ZNF254: variants seen among roughly 807,000 people sequenced by gnomAD.
ZNF254 encodes CTD-2017D11.1.
Under a neutral mutation model 12.4 loss-of-function variants are expected in ZNF254, and 10 were observed. The ratio of observed to expected loss-of-function variants is 0.80; its 90% CI spans 0.50 to 1.36. ZNF254 has a LOEUF of 1.36. Among genes scored for constraint, ZNF254 ranks in the 40% most tolerant of loss-of-function variants. ZNF254 has a pLI of 0.00. For missense variants in ZNF254, 996 were observed against 763.9 expected (o/e 1.30, Z -3.58); for synonymous variants, 305 against 253.4 (o/e 1.20, Z -1.93).
intron 1 of ZNF254, among the ~76,000 whole-genome samples, chr19:24,093,669 T>C (rs1056406581): frequency 2.0e-5 from 3 of 152,212 alleles, no homozygotes; most frequent in Non-Finnish European, 4.4e-5. Context: ...ACCAGTTCCA[T>C]GTTGCTTTGT....
At chr19:24,040,227 G>T (rs370210456) in intron 1 of ZNF254, among the ~76,000 whole-genome samples, 1 of 152,126 alleles carries the variant, frequency 6.6e-6, no homozygotes, top group East Asian at 1.9e-4. Context: ...CTCCTGTTTG[G>T]AACAACTATT....
At chr19:24,041,299 C>T (rs1380191037) in intron 1 of ZNF254, among the ~76,000 whole-genome samples, 10 of 152,228 alleles carry the variant, frequency 6.6e-5, no homozygotes, top group Admixed American at 5.9e-4. Context: ...CCTCAGCTTG[C>T]AGGGAGGTGT....
chr19:24,122,677 T>A (rs924775221), intron 3 of ZNF254, among the ~76,000 whole-genome samples: 4 of 152,208 alleles, frequency 2.6e-5, no homozygotes, highest in African/African-American at 9.6e-5. Context: ...TTATAGTTCG[T>A]ACAATATTTC....
Position 24,126,808 on chromosome 19 carries a change from G to C in ZNF254, c.808G>C (p.Glu270Gln), listed in dbSNP as rs752943894. The change falls in exon 4 of 4, where the codon GAA (glutamate) becomes CAA (glutamine). Residue 270 changes from glutamate to glutamine, a missense_variant. Transcript: ENST00000357002. The stretch of plus-strand genomic sequence containing the variant: ...TGGAGAGAAACTCTACAAATGTGAA[G>C]AATGTGGTGAAGCTTTTAATCGATC... ...HAGEKLYKCE[E>Q]CGEAFNRSSN... is the part of the protein sequence containing the mutation. 6.2e-7 allele frequency: 1 copy of C among 1,613,232 alleles called. No individual in the cohort carries two copies. The highest frequency in any genetic ancestry group is 1.1e-5 in the South Asian group (1 of 91,020).
At position 24,126,999 on chromosome 19, in the gene ZNF254, G is replaced by A; in HGVS notation, c.999G>A (p.Trp333Ter). Residue 333 changes from tryptophan to a stop codon, truncating the protein, a stop_gained, in exon 4 of 4, where the codon TGG becomes TGA. Transcript: ENST00000357002. LOFTEE classifies it low-confidence loss of function (END_TRUNC). ...AAGAATGTGGCAAAGCATTTATATGGTCCTCAACACTAACTAGACATAAGA... is the reference window on the plus strand; with the variant it reads ...AAGAATGTGGCAAAGCATTTATATGATCCTCAACACTAACTAGACATAAGA... ...KCEECGKAFI[W>*]SSTLTRHKRM... The A allele has an allele frequency of 6.2e-7, 1 of 1,613,216 alleles. No homozygotes were observed. The highest frequency in any genetic ancestry group is 8.5e-7 in the Non-Finnish European group (1 of 1,179,776).
intron 1 of ZNF254, among the ~76,000 whole-genome samples, chr19:24,093,110 C>A (rs904651401): frequency 1.3e-5 from 2 of 151,982 alleles, no homozygotes; most frequent in African/African-American, 4.8e-5. Context: ...TGAAAAGCAT[C>A]TTTTTCAAGT....
chr19:24,053,491 A>G (rs888191099), intron 2 of ZNF254, among the ~76,000 whole-genome samples: 4 of 152,062 alleles, frequency 2.6e-5, no homozygotes, highest in Non-Finnish European at 5.9e-5. Context: ...CCCAGCATTT[A>G]GGTGATGTGA....
At chr19:24,103,371 G>A (rs547849066) in intron 1 of ZNF254, among the ~76,000 whole-genome samples, 30 of 152,124 alleles carry the variant, frequency 2.0e-4, no homozygotes, top group Admixed American at 3.9e-4. Context: ...CTGCAGAATC[G>A]CATTACATAG....
chr19:24,082,945 T>C (rs576048681), upstream of ZNF254, among the ~76,000 whole-genome samples: 1 of 152,190 alleles, frequency 6.6e-6, no homozygotes, highest in East Asian at 1.9e-4. Flanking sequence ...CTATTCAACA[T>C]AGTACTTGGA....
chr19:24,076,207 A>C (rs959119687), intron 2 of ZNF254, among the ~76,000 whole-genome samples: 1 of 152,256 alleles, frequency 6.6e-6, no homozygotes, highest in African/African-American at 2.4e-5. Context: ...TGATTGGGGA[A>C]GTGATAAGTG....
chr19:24,078,999 G>T (rs915019000), intron 2 of ZNF254: 1 of 152,040 alleles, frequency 6.6e-6, no homozygotes, highest in Non-Finnish European at 1.5e-5. Flanking sequence ...AGGATGGTAC[G>T]CATGGAAAAG....
intron 1 of ZNF254, among the ~76,000 whole-genome samples, chr19:24,036,869 T>G (rs938141016): frequency 6.6e-6 from 1 of 152,190 alleles, no homozygotes; most frequent in Admixed American, 6.5e-5. Flanking sequence ...CCACTAGGAA[T>G]GGGTGTGGCC....
At chr19:24,042,102 T>C (rs1970192702) in intron 1 of ZNF254, among the ~76,000 whole-genome samples, 1 of 139,138 alleles carries the variant, frequency 7.2e-6, no homozygotes, top group Admixed American at 7.0e-5. Flanking sequence ...AGCTCAAGGT[T>C]TGTAAACACA....
chr19:24,120,574 G>C (rs976113982), intron 3 of ZNF254, among the ~76,000 whole-genome samples: 2 of 151,920 alleles, frequency 1.3e-5, no homozygotes, highest in Admixed American at 6.6e-5. Flanking sequence ...TCAATAGAGA[G>C]CTTTATTTTT....
At chr19:24,106,212 A>G (rs1973331763) in intron 2 of ZNF254, 146 bp downstream of exon 2, 2 of 1,140,744 alleles carry the variant, frequency 1.8e-6, no homozygotes, top group African/African-American at 1.6e-5. Context: ...TTTCTTCAAG[A>G]TGTTTCATCT....
intron 1 of ZNF254, among the ~76,000 whole-genome samples, chr19:24,094,058 T>A (rs1972541153): frequency 6.6e-6 from 1 of 152,192 alleles, no homozygotes; most frequent in Non-Finnish European, 1.5e-5. Flanking sequence ...TGTTTATGAT[T>A]CGTATTTGGC....
At chr19:24,109,877 A>G (rs1462170447) in intron 3 of ZNF254, among the ~76,000 whole-genome samples, 1 of 148,888 alleles carries the variant, frequency 6.7e-6, no homozygotes, top group Admixed American at 6.7e-5. Flanking sequence ...ATGTGCCACC[A>G]TCCCAGGCTA....
intron 2 of ZNF254, 43 bp downstream of exon 2, chr19:24,106,109 C>T: frequency 1.3e-6 from 2 of 1,518,438 alleles, no homozygotes; most frequent in Non-Finnish European, 1.8e-6. Context: ...TAAACTAAAG[C>T]TTTTATTTTT....
intron 3 of ZNF254, chr19:24,107,116 T>G (rs1156524854): frequency 3.5e-5 from 17 of 491,578 alleles, no homozygotes; most frequent in Non-Finnish European, 5.7e-5. Flanking sequence ...TCTTGAAATA[T>G]AGTTTGAAAG....
Sources: gnomAD v4.1 joint callset for allele counts (sites outside exome capture counted in the v4.1 genomes callset) on GRCh38, gnomAD v4.1.1 for gene constraint, MANE v1.5 for transcripts, NCBI Gene and HGNC (gene_info 2026-07-23, HGNC 2026-07-21) for gene names.